The following OPCML variants were observed in gnomAD, a reference collection of about 807,000 sequenced individuals.
The protein encoded by OPCML is opioid-binding protein/cell adhesion molecule.
Under a neutral mutation model 37.8 loss-of-function variants are expected in OPCML, and 13 were observed. The observed-to-expected ratio is 0.34, with a 90% CI of 0.22 to 0.55. The LOEUF (loss-of-function observed/expected upper bound fraction) is 0.55. Ranked by LOEUF, OPCML falls within the 20% of genes least tolerant of loss-of-function variation. The pLI, the probability that OPCML is intolerant of heterozygous loss-of-function variation, is 0.91. For synonymous variants in OPCML, 176 were observed against 168.8 expected, an observed-to-expected ratio of 1.04 and a Z score of -0.33; for missense variants, 341 against 435.6, an observed-to-expected ratio of 0.78 and a Z score of 1.93.
rs187505201 is a variant in OPCML, at chr11:133,092,144, C to T, written c.62-149134G>A. Among the ~76,000 whole-genome samples, 6 of 152,252 alleles carry T rather than the reference C, an allele frequency of 3.9e-5. No individual in the cohort carries two copies. In the East Asian group the frequency reaches 7.7e-4, roughly 20 times the overall value. On this transcript the variant is annotated intron_variant, in intron 1 of 7. Coordinates refer to ENST00000524381, the MANE Select transcript of OPCML (RefSeq NM_001012393.5). ...AACCATGTGAAGACACAGCATCCAT[C>T]CCTCTGGAGGAGGCAACGGGGCACT...
At chr11:132,601,975 C>A (rs1428382030) in intron 3 of OPCML, among the ~76,000 whole-genome samples, 1 of 152,164 alleles carries the variant, frequency 6.6e-6, no homozygotes, top group African/African-American at 2.4e-5. Context: ...ATTCTCTATT[C>A]CCTCCAGGCA....
At chr11:132,479,789 C>T (rs1375328397) in intron 4 of OPCML, among the ~76,000 whole-genome samples, 14 of 152,282 alleles carry the variant, frequency 9.2e-5, no homozygotes, top group East Asian at 1.9e-4. Context: ...GGGCCGGGTA[C>T]TCCAACAGAC....
chr11:132,480,767 C>A (rs2096176960), intron 4 of OPCML, among the ~76,000 whole-genome samples: 2 of 151,994 alleles, frequency 1.3e-5, no homozygotes, highest in African/African-American at 4.8e-5. Flanking sequence ...TCCAGCCAAA[C>A]TAAGCTTCAT....
intron 2 of OPCML, among the ~76,000 whole-genome samples, chr11:132,888,492 G>T (rs547919505): frequency 6.8e-6 from 1 of 147,134 alleles, no homozygotes; most frequent in Non-Finnish European, 1.5e-5. Context: ...ATTTGTTTCA[G>T]TTTCTCCCCC....
At chr11:133,075,535 T>C (rs1441672279) in intron 1 of OPCML, among the ~76,000 whole-genome samples, 2 of 152,156 alleles carry the variant, frequency 1.3e-5, no homozygotes, top group Non-Finnish European at 2.9e-5. Context: ...GGGGCTCTGC[T>C]CTGAAGCCGG....
At chr11:132,473,179 C>A (rs1478581465) in intron 4 of OPCML, among the ~76,000 whole-genome samples, 8 of 152,212 alleles carry the variant, frequency 5.3e-5, no homozygotes, top group Admixed American at 5.2e-4. Context: ...TTGGCAAAGC[C>A]ATTCCCAGGG....
chr11:133,025,522 G>A (rs1036360528), intron 1 of OPCML: 87 of 960,734 alleles, frequency 9.1e-5, no homozygotes, highest in Non-Finnish European at 1.1e-4. Flanking sequence ...GGATTCTTCG[G>A]TTGAAAGCAA....
chr11:132,452,540 C>G (rs1391645417), intron 4 of OPCML, among the ~76,000 whole-genome samples: 1 of 140,222 alleles, frequency 7.1e-6, no homozygotes, highest in South Asian at 2.7e-4. Context: ...AGCCTGCCTG[C>G]CTGCCTGCCT....
At chr11:132,647,010 T>C (rs1404087379) in intron 3 of OPCML, among the ~76,000 whole-genome samples, 1 of 152,170 alleles carries the variant, frequency 6.6e-6, no homozygotes, top group African/African-American at 2.4e-5. Flanking sequence ...CCACAGAGAT[T>C]AGACTACAAT....
chr11:132,930,652 A>G (rs1316695752), intron 2 of OPCML, among the ~76,000 whole-genome samples: 1 of 152,192 alleles, frequency 6.6e-6, no homozygotes, highest in African/African-American at 2.4e-5. Flanking sequence ...AAATTTAACT[A>G]AGAAGGTGAA....
intron 1 of OPCML, among the ~76,000 whole-genome samples, chr11:133,268,152 C>G (rs986343918): frequency 1.3e-5 from 2 of 152,162 alleles, no homozygotes; most frequent in Non-Finnish European, 2.9e-5. Flanking sequence ...CCAGAGTGGA[C>G]AGCCCTGGAT....
At chr11:133,026,288 G>T in intron 1 of OPCML, 1 of 823,216 alleles carries the variant, frequency 1.2e-6, no homozygotes, top group African/African-American at 1.9e-5. Context: ...TGGTCAAAAT[G>T]GATTTGGGGT....
intron 3 of OPCML, among the ~76,000 whole-genome samples, chr11:132,635,134 T>C (rs1940405440): frequency 6.6e-6 from 1 of 152,192 alleles, no homozygotes; most frequent in Non-Finnish European, 1.5e-5. Flanking sequence ...CTTTTGGGTA[T>C]AGATTTATGA....
At chr11:132,818,386 C>T (rs1034361655) in intron 2 of OPCML, among the ~76,000 whole-genome samples, 1 of 151,858 alleles carries the variant, frequency 6.6e-6, no homozygotes. Context: ...CGTGGGTGGA[C>T]TTCCTGTAAT....
At chr11:133,008,926 G>A in intron 1 of OPCML, 1 of 985,388 alleles carries the variant, frequency 1.0e-6, no homozygotes. Flanking sequence ...CCTGATTAAG[G>A]AGTCACAGCA....
intron 1 of OPCML, among the ~76,000 whole-genome samples, chr11:133,207,016 G>T (rs915627823): frequency 6.6e-6 from 1 of 151,820 alleles, no homozygotes; most frequent in Non-Finnish European, 1.5e-5. Flanking sequence ...AGCCGGGCGC[G>T]GTGGCTCACG....
chr11:132,863,496 G>A (rs562124625), intron 2 of OPCML, among the ~76,000 whole-genome samples: 3 of 152,100 alleles, frequency 2.0e-5, no homozygotes, highest in Non-Finnish European at 4.4e-5. Flanking sequence ...AAAGTTTCTC[G>A]CTGGCTTTCT....
At chr11:133,127,446 A>C (rs1388021882) in intron 1 of OPCML, among the ~76,000 whole-genome samples, 4 of 151,988 alleles carry the variant, frequency 2.6e-5, no homozygotes, top group African/African-American at 9.7e-5. Flanking sequence ...TCAGCCCGGC[A>C]ACCTGGAAAA....
chr11:133,348,553 G>T (rs1339759876), intron 1 of OPCML, among the ~76,000 whole-genome samples: 1 of 152,178 alleles, frequency 6.6e-6, no homozygotes, highest in Non-Finnish European at 1.5e-5. Context: ...GCTGAGAGAA[G>T]CCACTCACAA....
Sources: allele counts gnomAD v4.1 joint callset (sites outside exome capture counted in the v4.1 genomes callset), GRCh38; gene constraint gnomAD v4.1.1; transcripts MANE v1.5; gene names NCBI Gene and HGNC (gene_info 2026-07-23, HGNC 2026-07-21).